CHAF1B: variants seen among roughly 807,000 people sequenced by gnomAD.
CHAF1B encodes chromatin assembly factor 1 subunit B.
A neutral mutation model predicts 60.7 loss-of-function variants in CHAF1B; 10 were observed. The observed-to-expected ratio is 0.16, with a 90% CI of 0.10 to 0.28. The LOEUF (loss-of-function observed/expected upper bound fraction) is 0.28, where lower values mean the gene tolerates loss of function less well. CHAF1B is among the 10% of genes least tolerant of loss of function. CHAF1B has a pLI of 1.00. For synonymous variants in CHAF1B, 261 were observed against 266.1 expected (o/e 0.98, Z 0.19); for missense variants, 558 against 708.4 (o/e 0.79, Z 2.41).
At chr21:36,399,424 C>T (rs2146367006) in intron 6 of CHAF1B, 97 bp from the exon 7 acceptor site, 1 of 984,096 alleles carries the variant, frequency 1.0e-6, no homozygotes, top group Non-Finnish European at 1.6e-6. Context: ...AGGCTGAAAA[C>T]TGTTGCGGTG....
At chr21:36,395,477 G>C (rs762259665) in intron 5 of CHAF1B, among the ~76,000 whole-genome samples, 1 of 152,242 alleles carries the variant, frequency 6.6e-6, no homozygotes, top group Non-Finnish European at 1.5e-5. Context: ...TAGCACTGGT[G>C]CTGCAAGTTA....
intron 2 of CHAF1B, 144 bp from the exon 3 acceptor site, chr21:36,387,454 C>T: frequency 1.0e-6 from 1 of 954,754 alleles, no homozygotes; most frequent in Admixed American, 2.3e-5. Context: ...CTCCTGGCCT[C>T]AAGTGATTTA....
At chr21:36,397,222 G>A (rs1013211765) in intron 5 of CHAF1B, among the ~76,000 whole-genome samples, 193 bp from the exon 6 acceptor site, 26 of 152,126 alleles carry the variant, frequency 1.7e-4, no homozygotes, top group African/African-American at 6.3e-4. Context: ...GCTCCCTGAG[G>A]GTGGGGACTG....
At position 36,386,152 on chromosome 21, in the gene CHAF1B, T is replaced by G. The variant is rs2086030807; in HGVS notation, c.16T>G (p.Cys6Gly). ...ACTCAGGAGGATGAAAGTCATCACT[T>G]GTGAAATAGCCTGGCACAACAAGGA... MKVITCEIAWHNKEPV... is the reference protein window; with the variant it reads MKVITGEIAWHNKEPV... The change falls in exon 2 of 14, where the codon TGT becomes GGT. Residue 6 changes from cysteine (C) to glycine (G), a missense_variant. Cys to Gly is a radical substitution (Grantham distance 159). Around this residue, in one of 2 missense-constraint regions of CHAF1B, gnomAD observed 325 missense variants for 493.5 expected, o/e 0.66. Transcript: ENST00000314103. 1 of 1,613,990 alleles carries G rather than the reference T, an allele frequency of 6.2e-7. No individual in the cohort carries two copies. Among genetic ancestry groups the G allele is most frequent in the African/African-American group, 1.3e-5 (1 of 74,894 alleles).
chr21:36,414,988 T>C (rs2086306700), intron 12 of CHAF1B, among the ~76,000 whole-genome samples: 1 of 152,186 alleles, frequency 6.6e-6, no homozygotes. Context: ...CTGACTGCCT[T>C]TTACAGCAGC....
Position 36,415,312 on chromosome 21 carries a change from C to A in CHAF1B, c.1511C>A (p.Pro504His). Residue 504 changes from proline to histidine, a missense_variant, in exon 13 of 14, where the codon CCC becomes CAC. Around this residue, in one of 2 missense-constraint regions of CHAF1B, gnomAD observed 233 missense variants for 214.9 expected, o/e 1.08. Transcript: ENST00000314103. The stretch of plus-strand genomic sequence containing the variant: ...AAATCAAGGAGAATAAACTTAACAC[C>A]CTTAAAGACGGACACTCCACCAAGT... The part of the protein sequence containing the change: ...KTTPRRINLT[P>H]LKTDTPPSSV... 1 of 1,610,504 alleles carries A rather than the reference C, an allele frequency of 6.2e-7. No homozygotes were observed. The highest frequency in any genetic ancestry group is 1.1e-5 in the South Asian group (1 of 90,970).
Position 36,397,448 on chromosome 21 carries a change from G to A in CHAF1B, c.515G>A (p.Ser172Asn). ...QKISIFNEHK[S>N]YVQGVTWDPL... ...ATATCAATTTTTAATGAACATAAAA[G>A]TTATGTCCAAGGAGTAACCTGGGAC... The change falls in exon 6 of 14, where the codon AGT becomes AAT. Residue 172 changes from serine (S) to asparagine (N), a missense_variant. This residue lies in a region of CHAF1B where 325 missense variants were observed against 493.5 expected (regional missense o/e 0.66). Transcript: ENST00000314103. 6.4e-7 allele frequency: 1 copy of A among 1,563,060 alleles called. No individual in the cohort carries two copies. The highest frequency in any genetic ancestry group is 8.7e-7 in the Non-Finnish European group (1 of 1,144,550).
chr21:36,394,854 C>T (rs778585931), intron 5 of CHAF1B, among the ~76,000 whole-genome samples: 4 of 151,560 alleles, frequency 2.6e-5, no homozygotes, highest in Non-Finnish European at 4.4e-5. Context: ...GCCTCAGTCT[C>T]CCAAGTAGCT....
chr21:36,413,961 T>C (rs1403629956), intron 12 of CHAF1B, among the ~76,000 whole-genome samples: 1 of 152,176 alleles, frequency 6.6e-6, no homozygotes, highest in African/African-American at 2.4e-5. Context: ...GCGTTTGATG[T>C]CTCCAGCAGC....
At chr21:36,406,729 C>T (rs930883484) in intron 8 of CHAF1B, among the ~76,000 whole-genome samples, 3 of 152,104 alleles carry the variant, frequency 2.0e-5, no homozygotes, top group Non-Finnish European at 2.9e-5. Flanking sequence ...GTGGTTTGAA[C>T]GCTTTATATC....
intron 12 of CHAF1B, among the ~76,000 whole-genome samples, chr21:36,414,338 C>G (rs534862455): frequency 1.3e-5 from 2 of 152,180 alleles, no homozygotes; most frequent in African/African-American, 4.8e-5. Context: ...GCCTCTCCTG[C>G]GCCAATAGGT....
At chr21:36,389,984 G>T (rs960616013) in intron 3 of CHAF1B, among the ~76,000 whole-genome samples, 18 of 152,052 alleles carry the variant, frequency 1.2e-4, no homozygotes, top group African/African-American at 4.1e-4. Flanking sequence ...AGGGCCAATG[G>T]CATGTTAACC....
chr21:36,408,323 A>G (rs938126929), intron 8 of CHAF1B, among the ~76,000 whole-genome samples: 5 of 152,256 alleles, frequency 3.3e-5, no homozygotes, highest in African/African-American at 1.2e-4. Flanking sequence ...TGGATAGGGA[A>G]GTTGGGGAAA....
intron 8 of CHAF1B, 66 bp downstream of exon 8, chr21:36,402,917 G>A (rs775264268): frequency 1.1e-4 from 142 of 1,305,946 alleles, no homozygotes; most frequent in Non-Finnish European, 1.3e-4. Flanking sequence ...CCCGTTTTAC[G>A]CTGCAGCTTA....
rs147369174 is a variant in CHAF1B, at chr21:36,412,986, A to G, written c.1164A>G (p.Pro388=). 118 of 1,614,248 alleles carry G rather than the reference A, an allele frequency of 7.3e-5. 1 individual carries two copies. In the African/African-American group the frequency reaches 1.2e-3, roughly 17 times the overall value. The change falls in exon 12 of 14, where the codon CCA becomes CCG. Residue 388 remains proline (P), a synonymous_variant. Transcript: ENST00000314103. ...DELGIPLKEK[P]VLNMRTPDTA... Reference sequence around the variant, plus strand: ...TTGGAATTCCTTTGAAAGAGAAGCCAGTTTTGAACATGAGAACTCCTGATA... The same window carrying G: ...TTGGAATTCCTTTGAAAGAGAAGCCGGTTTTGAACATGAGAACTCCTGATA...
chr21:36,410,943 T>C (rs755891784), intron 10 of CHAF1B, among the ~76,000 whole-genome samples: 7 of 152,026 alleles, frequency 4.6e-5, no homozygotes, highest in African/African-American at 9.7e-5. Flanking sequence ...GCATATAGAG[T>C]GCAGTTATAA....
chr21:36,404,824 G>T (rs2086224375), intron 8 of CHAF1B, among the ~76,000 whole-genome samples: 1 of 137,698 alleles, frequency 7.3e-6, no homozygotes, highest in South Asian at 2.4e-4. Flanking sequence ...GCTCACTGTA[G>T]CCTCCACCTC....
rs760123435 is a variant in CHAF1B at position 36,386,124 on chromosome 21, G to A, written c.-13G>A. ...TGCCCGAGAAACGTTTTTCCCCTTC[G>A]AGACTCAGGAGGATGAAAGTCATCA... On this transcript the variant is annotated 5_prime_UTR_variant, in exon 2 of 14. Transcript: ENST00000314103. The A allele has an allele frequency of 1.9e-6, 3 of 1,613,632 alleles. No individual in the cohort carries two copies. Among genetic ancestry groups the A allele is most frequent in the Non-Finnish European group, 1.7e-6 (2 of 1,179,816 alleles).
At position 36,416,935 on chromosome 21, in the gene CHAF1B, T is replaced by C. The variant is rs1452544394; in HGVS notation, c.*569T>C. 5.3e-5 allele frequency: 8 copies of C among 152,230 alleles called. No homozygotes were observed. Among genetic ancestry groups the C allele is most frequent in the African/African-American group, 1.4e-4 (6 of 41,466 alleles). The allele number at this position is 152,230 out of a possible 1,614,324, so 9.4% of individuals were successfully genotyped here. A position where few individuals can be genotyped will look rare whatever the true frequency, so the allele number is the denominator to read the frequency against. On this transcript the variant is annotated 3_prime_UTR_variant, in exon 14 of 14. Transcript: ENST00000314103. ...ATCATCTTCCCACCAGAAGTAACCCTCGTTAATGTTGTAGTATATTTCCTT... is the reference window on the plus strand; with the variant it reads ...ATCATCTTCCCACCAGAAGTAACCCCCGTTAATGTTGTAGTATATTTCCTT...
Sources: gnomAD v4.1 joint callset for allele counts (sites outside exome capture counted in the v4.1 genomes callset) on GRCh38, gnomAD v4.1.1 for gene constraint, gnomAD v4.1.1 regional missense constraint, MANE v1.5 for transcripts, NCBI Gene and HGNC (gene_info 2026-07-23, HGNC 2026-07-21) for gene names.